DDX19B: variants seen among roughly 807,000 people sequenced by gnomAD.
DDX19B encodes ATP-dependent RNA helicase DDX19B.
A neutral mutation model predicts 58.1 loss-of-function variants in DDX19B; 27 were observed. That is an observed-to-expected ratio of 0.46 (90% CI 0.34 to 0.64). The LOEUF is 0.64. DDX19B is among the 30% of genes least tolerant of loss of function. The probability of loss-of-function intolerance (pLI) is 0.01; values close to 1 mark genes in which losing one functional copy is unlikely to be tolerated. For missense variants in DDX19B, 399 were observed against 596.5 expected (o/e 0.67, Z 3.45); for synonymous variants, 187 against 214.4 (o/e 0.87, Z 1.12).
chr16:70,319,062 C>T (rs1217985788), intron 5 of DDX19B, among the ~76,000 whole-genome samples: 2 of 152,086 alleles, frequency 1.3e-5, no homozygotes, highest in African/African-American at 2.4e-5. Flanking sequence ...CGAGATCACG[C>T]CACTGCACTC....
chr16:70,300,063 T>G (rs533768806), intron 1 of DDX19B, among the ~76,000 whole-genome samples: 1 of 152,328 alleles, frequency 6.6e-6, no homozygotes, highest in East Asian at 1.9e-4. Context: ...TTAGTACTTA[T>G]TGCTATGACT....
chr16:70,291,237 A>G (rs1961052522), upstream of DDX19B, among the ~76,000 whole-genome samples: 1 of 152,160 alleles, frequency 6.6e-6, no homozygotes, highest in African/African-American at 2.4e-5. Context: ...AAAATAAGGC[A>G]GAGAGAGAGG....
chr16:70,315,112 T>G (rs957233000), intron 3 of DDX19B, among the ~76,000 whole-genome samples, 157 bp downstream of exon 3: 1 of 151,352 alleles, frequency 6.6e-6, no homozygotes, highest in African/African-American at 2.4e-5. Context: ...CACGGTGGCT[T>G]ACACCTGTAA....
chr16:70,319,897 C>A (rs1962671114), intron 5 of DDX19B, among the ~76,000 whole-genome samples: 1 of 152,022 alleles, frequency 6.6e-6, no homozygotes, highest in Non-Finnish European at 1.5e-5. Flanking sequence ...CTCAAAAAAT[C>A]ATAAATAAAA....
At chr16:70,329,195 C>T in intron 7 of DDX19B, 97 bp from the exon 8 acceptor site, 3 of 1,492,180 alleles carry the variant, frequency 2.0e-6, no homozygotes, top group South Asian at 1.3e-5. Flanking sequence ...TGCACTCCAG[C>T]CTGGGCAACA....
At chr16:70,329,240 A>C in intron 7 of DDX19B, 52 bp from the exon 8 acceptor site, 1 of 1,565,010 alleles carries the variant, frequency 6.4e-7, no homozygotes, top group Non-Finnish European at 8.6e-7. Flanking sequence ...AAAAAAAAAA[A>C]AAAGAAAGAA....
chr16:70,291,833 A>C (rs908307171), upstream of DDX19B, among the ~76,000 whole-genome samples: 20 of 151,708 alleles, frequency 1.3e-4, no homozygotes, highest in Non-Finnish European at 2.8e-4. Context: ...TAAATAAATA[A>C]GAATTTTTTA....
chr16:70,331,479 A>T (rs1597504946), intron 9 of DDX19B, among the ~76,000 whole-genome samples: 1 of 151,968 alleles, frequency 6.6e-6, no homozygotes, highest in Admixed American at 6.6e-5. Context: ...TGAAAGAAAA[A>T]TTTTTTTTTG....
chr16:70,332,613 T>A (rs1963537756), intron 10 of DDX19B, among the ~76,000 whole-genome samples: 1 of 152,100 alleles, frequency 6.6e-6, no homozygotes, highest in African/African-American at 2.4e-5. Context: ...CCAAATTCTT[T>A]CCCTTTACCC....
chr16:70,299,176 C>T, upstream of DDX19B: 1 of 1,379,892 alleles, frequency 7.2e-7, no homozygotes, highest in Non-Finnish European at 9.4e-7. Flanking sequence ...TGGCGCGCCG[C>T]TTCCGGTCTG....
chr16:70,304,533 T>C (rs571783981), intron 1 of DDX19B, among the ~76,000 whole-genome samples: 6 of 151,118 alleles, frequency 4.0e-5, no homozygotes, highest in African/African-American at 1.5e-4. Context: ...CCACCAAGCC[T>C]GGCTACTTTT....
upstream of DDX19B, among the ~76,000 whole-genome samples, chr16:70,290,456 G>GGC (rs1597454813): frequency 6.6e-6 from 1 of 152,158 alleles, no homozygotes; most frequent in Admixed American, 6.6e-5. Context: ...GACCTCGGGA[G>GGC]GCGGAAGTTG....
chr16:70,333,829 G>T lies in DDX19B; in HGVS notation c.*247G>T, dbSNP rs1567642175. The T allele has an allele frequency of 1.7e-6, 1 of 599,806 alleles. No homozygotes were observed. Among genetic ancestry groups the T allele is most frequent in the East Asian group, 2.9e-5 (1 of 34,490 alleles). 37.2% of individuals were successfully genotyped at this position (599,806 alleles called of 1,614,324 possible). On this transcript the variant is annotated 3_prime_UTR_variant, in exon 12 of 12. Coordinates refer to ENST00000288071, the MANE Select transcript of DDX19B (RefSeq NM_007242.7). ...ATACACAGAGATTTACCTTTTGGAA[G>T]TTTCATCTTTTAATTTGGCCAGTGT...
chr16:70,298,982 C>T, upstream of DDX19B: 1 of 409,680 alleles, frequency 2.4e-6, no homozygotes, highest in Non-Finnish European at 4.1e-6. Context: ...GGGCGGGAAT[C>T]TGATTTTGTT....
Position 70,312,511 on chromosome 16 carries a change from T to A in DDX19B, c.58-98T>A. 3.8e-6 allele frequency: 4 copies of A among 1,045,508 alleles called. No homozygotes were observed. In the South Asian group the frequency reaches 5.5e-5, roughly 14 times the overall value. 64.8% of individuals were successfully genotyped at this position (1,045,508 alleles called of 1,614,324 possible). A position where few individuals can be genotyped will look rare whatever the true frequency, so the allele number is the denominator to read the frequency against. ...CTAATGAATATACCTTGAGAATGGC[T>A]ATTTTATCCCCAGCTTCATTAGGGA... On this transcript the variant is annotated intron_variant, in intron 1 of 11. Transcript: ENST00000288071.
intron 1 of DDX19B, among the ~76,000 whole-genome samples, chr16:70,307,667 GTA>G (rs200114364): frequency 4.5e-4 from 67 of 149,370 alleles, no homozygotes; most frequent in African/African-American, 1.7e-3. Context: ...CTGGCCATAT[GTA>G]TATATATGTG....
At chr16:70,293,680 C>T (rs1045488013), upstream of DDX19B, among the ~76,000 whole-genome samples, 10 of 138,840 alleles carry the variant, frequency 7.2e-5, no homozygotes, top group Non-Finnish European at 1.4e-4. Context: ...GGCGCAATCT[C>T]GGCTCACTGC....
chr16:70,304,337 C>T (rs531264841), intron 1 of DDX19B, among the ~76,000 whole-genome samples: 2 of 150,046 alleles, frequency 1.3e-5, no homozygotes, highest in South Asian at 4.2e-4. Flanking sequence ...CGTGCCTGGC[C>T]GAGGTTCATC....
At chr16:70,305,512 TAC>T (rs1441847309) in intron 1 of DDX19B, among the ~76,000 whole-genome samples, 1 of 152,224 alleles carries the variant, frequency 6.6e-6, no homozygotes, top group Non-Finnish European at 1.5e-5. Context: ...AGAAATTGCA[TAC>T]TTTACTGTTT....
Sources: gnomAD v4.1 joint callset for allele counts (sites outside exome capture counted in the v4.1 genomes callset) on GRCh38, gnomAD v4.1.1 for gene constraint, MANE v1.5 for transcripts, NCBI Gene and HGNC (gene_info 2026-07-23, HGNC 2026-07-21) for gene names.